The following DHX15 variants were observed in gnomAD, a reference collection of about 807,000 sequenced individuals.
The protein encoded by DHX15 is ATP-dependent RNA helicase DHX15.
Under a neutral mutation model 94.4 loss-of-function variants are expected in DHX15, and 11 were observed. The ratio of observed to expected loss-of-function variants is 0.12; its 90% confidence interval spans 0.07 to 0.19. The LOEUF is 0.19. Among genes scored for constraint, DHX15 ranks in the 10% least tolerant of loss-of-function variants. The pLI is 1.00. For synonymous variants in DHX15, 338 were observed against 329.9 expected (o/e 1.02, Z -0.27); for missense variants, 304 against 988.5 (o/e 0.31, Z 9.29).
intron 1 of DHX15, chr4:24,584,044 G>C (rs964600399): frequency 1.9e-5 from 9 of 469,946 alleles, no homozygotes; most frequent in Non-Finnish European, 2.2e-5. Context: ...AATGACTCCC[G>C]CTCGGTTCGG....
intron 1 of DHX15, among the ~76,000 whole-genome samples, chr4:24,581,305 G>A (rs1282303288): frequency 2.0e-5 from 3 of 152,194 alleles, no homozygotes; most frequent in Non-Finnish European, 4.4e-5. Context: ...TGGGATTACA[G>A]GCGTGAGCCA....
At chr4:24,551,376 T>C (rs1346344263) in intron 5 of DHX15, among the ~76,000 whole-genome samples, 4 of 152,236 alleles carry the variant, frequency 2.6e-5, no homozygotes, top group Non-Finnish European at 5.9e-5. Flanking sequence ...TTTATATTTT[T>C]TTAATGTCCA....
intron 9 of DHX15, 119 bp from the exon 10 acceptor site, chr4:24,540,418 A>G (rs960241423): frequency 6.7e-5 from 53 of 795,870 alleles, no homozygotes; most frequent in Non-Finnish European, 9.7e-5. Context: ...CTCAAACTCA[A>G]ACTGTCATCC....
Position 24,566,578 on chromosome 4 carries a change from C to A in DHX15, c.701+4076G>T, listed in dbSNP as rs186820372. Among the ~76,000 whole-genome samples, 757 of 152,264 alleles carry A rather than the reference C, an allele frequency of 5.0e-3. 5 individuals carry two copies. Among genetic ancestry groups the A allele is most frequent in the African/African-American group, 0.017 (716 of 41,552 alleles). ...CAGTGGCTCACGCCTGTAATCCCAGCACTTTGGGAGGCTGAGGTGGGTGGA... is the reference window on the plus strand; with the variant it reads ...CAGTGGCTCACGCCTGTAATCCCAGAACTTTGGGAGGCTGAGGTGGGTGGA... On this transcript the variant is annotated intron_variant, in intron 3 of 13. Transcript: ENST00000336812.
At chr4:24,584,264 TC>T (rs1722554283) in intron 1 of DHX15, 58 bp downstream of exon 1, 1 of 1,542,628 alleles carries the variant, frequency 6.5e-7, no homozygotes, top group Non-Finnish European at 8.8e-7. Flanking sequence ...CCCGGCCCGC[TC>T]CCTGCCAGGA....
chr4:24,550,573 G>A (rs1721580181), intron 5 of DHX15, among the ~76,000 whole-genome samples: 1 of 152,054 alleles, frequency 6.6e-6, no homozygotes, highest in Admixed American at 6.6e-5. Flanking sequence ...GGCCCCCACA[G>A]GGTCAGGATC....
In DHX15 at chr4:24,578,719, C is replaced by T. The variant is rs146276397; in HGVS notation, c.72-2041G>A. 3.5e-3 allele frequency among the ~76,000 whole-genome samples: 530 copies of T among 152,180 alleles called. 4 individuals carry two copies. Among genetic ancestry groups the T allele is most frequent in the South Asian group, 0.011 (53 of 4,810 alleles). On this transcript the variant is annotated intron_variant, in intron 1 of 13. Coordinates refer to ENST00000336812, the MANE Select transcript of DHX15 (RefSeq NM_001358.3). ...TAACTGGGACTACAGGCATGCACCA[C>T]CACGCCTCGCTAATTTCTTATTTTT...
chr4:24,547,360 T>C (rs1323075342), intron 6 of DHX15, among the ~76,000 whole-genome samples: 1 of 152,216 alleles, frequency 6.6e-6, no homozygotes, highest in African/African-American at 2.4e-5. Flanking sequence ...GTCACTCTTT[T>C]CAGTAAGACA....
intron 3 of DHX15, among the ~76,000 whole-genome samples, chr4:24,560,992 T>C (rs1721862754): frequency 1.3e-5 from 2 of 152,036 alleles, no homozygotes; most frequent in Admixed American, 6.6e-5. Context: ...CTGGTGAGAG[T>C]ATATAAAAAT....
chr4:24,557,787 T>TA (rs1207367839), intron 3 of DHX15, among the ~76,000 whole-genome samples: 1 of 152,160 alleles, frequency 6.6e-6, no homozygotes, highest in African/African-American at 2.4e-5. Context: ...AGCAACACTA[T>TA]AGCCCTTAGC....
Position 24,554,905 on chromosome 4 carries a change from G to A in DHX15, c.900C>T (p.Phe300=). ...VMSATLDAGK[F]QIYFDNCPLL... is the part of the protein sequence containing the mutation. ...GAGGACAGTTATCAAAGTAAATCTGGAATTTTCCTGCATCTAGAGTAGCGC... is the reference window on the plus strand; with the variant it reads ...GAGGACAGTTATCAAAGTAAATCTGAAATTTTCCTGCATCTAGAGTAGCGC... The change falls in exon 5 of 14, where the codon TTC becomes TTT. Residue 300 remains phenylalanine, a synonymous_variant. Coordinates refer to ENST00000336812, the MANE Select transcript of DHX15 (RefSeq NM_001358.3). The A allele has an allele frequency of 6.2e-7, 1 of 1,613,644 alleles. No individual in the cohort carries two copies. Among genetic ancestry groups the A allele is most frequent in the South Asian group, 1.1e-5 (1 of 91,078 alleles).
intron 3 of DHX15, 112 bp from the exon 4 acceptor site, chr4:24,556,522 C>G: frequency 2.3e-6 from 2 of 885,766 alleles, no homozygotes; most frequent in Non-Finnish European, 3.4e-6. Context: ...TAAACTTCTG[C>G]CCCAAACAAA....
At position 24,541,857 on chromosome 4, in the gene DHX15, C is replaced by G. The variant is rs747780213; in HGVS notation, c.1485+16G>C. ...ACATTTTAAACATATCGGCAGGAAA[C>G]GACAATACCCCATACCTGCATTTCT... is the stretch of plus-strand genomic sequence containing the variant. On this transcript the variant is annotated intron_variant, in intron 8 of 13. Transcript: ENST00000336812. 1.3e-6 allele frequency: 2 copies of G among 1,540,024 alleles called. No individual in the cohort carries two copies. Among genetic ancestry groups the G allele is most frequent in the Admixed American group, 1.9e-5 (1 of 52,712 alleles).
rs1260430358 is a variant in DHX15 at position 24,527,812 on chromosome 4, G to C, written c.*112C>G. On this transcript the variant is annotated 3_prime_UTR_variant, in exon 14 of 14. Coordinates refer to ENST00000336812, the MANE Select transcript of DHX15 (RefSeq NM_001358.3). ...ATTTACTGTAAAGAAAAATTAAAAA[G>C]CTTTCAAATAAAGGCCATTATCGAA... 1 of 655,942 alleles carries C rather than the reference G, an allele frequency of 1.5e-6. No individual in the cohort carries two copies. The highest frequency in any genetic ancestry group is 2.7e-6 in the Non-Finnish European group (1 of 375,978). The allele number at this position is 655,942 out of a possible 1,614,324, so 40.6% of individuals were successfully genotyped here. A position where few individuals can be genotyped will look rare whatever the true frequency, so the allele number is the denominator to read the frequency against.
rs1553951054 is a variant in DHX15, at chr4:24,559,391, A to AG, written c.702-2982_702-2981insC. On this transcript the variant is annotated intron_variant, in intron 3 of 13. Coordinates refer to ENST00000336812, the MANE Select transcript of DHX15 (RefSeq NM_001358.3). ...TTAAGCCACTAAAAAAAAAAAAAAA[A>AG]AAAAAGAAACAGTACTTGACGATTT... Among the ~76,000 whole-genome samples, 73 of 151,734 alleles carry AG rather than the reference A, an allele frequency of 4.8e-4. 1 individual carries two copies. In the East Asian group the frequency reaches 0.012, roughly 25 times the overall value.
At chr4:24,534,778 A>G (rs1233005489) in intron 11 of DHX15, among the ~76,000 whole-genome samples, 1 of 152,156 alleles carries the variant, frequency 6.6e-6, no homozygotes, top group African/African-American at 2.4e-5. Context: ...TATTGTCTCT[A>G]ATGCAAAACA....
chr4:24,565,190 A>C (rs1721966090), intron 3 of DHX15, among the ~76,000 whole-genome samples: 1 of 152,212 alleles, frequency 6.6e-6, no homozygotes, highest in African/African-American at 2.4e-5. Context: ...GGCACTGTAT[A>C]AACAAAGAGA....
chr4:24,561,537 C>T (rs899661773), intron 3 of DHX15, among the ~76,000 whole-genome samples: 1 of 152,104 alleles, frequency 6.6e-6, no homozygotes, highest in Non-Finnish European at 1.5e-5. Context: ...ATAGCAAAGA[C>T]ATAGAATCAA....
intron 3 of DHX15, among the ~76,000 whole-genome samples, chr4:24,564,689 T>C (rs1281570148): frequency 6.6e-6 from 1 of 152,206 alleles, no homozygotes; most frequent in Admixed American, 6.5e-5. Flanking sequence ...CCTGGTATGT[T>C]CTTAGCAACC....
Sources: allele counts gnomAD v4.1 joint callset (sites outside exome capture counted in the v4.1 genomes callset), GRCh38; gene constraint gnomAD v4.1.1; transcripts MANE v1.5; gene names NCBI Gene and HGNC (gene_info 2026-07-23, HGNC 2026-07-21).